KCNH1: variants seen among roughly 807,000 people sequenced by gnomAD.
KCNH1 encodes potassium voltage-gated channel subfamily H member 1.
In KCNH1, 27 loss-of-function variants were observed where a neutral mutation model predicts 69.2. That is an observed-to-expected ratio of 0.39 (90% CI 0.29 to 0.54). The LOEUF (loss-of-function observed/expected upper bound fraction) is 0.54. KCNH1 is among the 20% of genes least tolerant of loss of function. The probability of loss-of-function intolerance (pLI) is 0.68; values close to 1 mark genes in which losing one functional copy is unlikely to be tolerated. For missense variants in KCNH1, 798 were observed against 1,261.6 expected, an observed-to-expected ratio of 0.63 and a Z score of 5.57; for synonymous variants, 456 against 487.7, an observed-to-expected ratio of 0.93 and a Z score of 0.86.
intron 3 of KCNH1, among the ~76,000 whole-genome samples, chr1:211,099,912 A>C (rs1008215497): frequency 1.3e-5 from 2 of 152,086 alleles, no homozygotes; most frequent in Admixed American, 1.3e-4. Context: ...GTCAGTTTGA[A>C]TGCCTCTTCC....
Position 211,030,520 on chromosome 1 carries a change from T to A in KCNH1, c.559-11264A>T, listed in dbSNP as rs138923380. ...AATTTGTGCAGGAAAGACAGCCTTT[T>A]TAACAAACGGCATGGGAACAAGTGG... is the stretch of plus-strand genomic sequence containing the variant. On this transcript the variant is annotated intron_variant, in intron 5 of 10. Transcript: ENST00000271751. Among the ~76,000 whole-genome samples the A allele has an allele frequency of 2.0e-3, 311 of 152,302 alleles. 2 individuals are homozygous for A. Among genetic ancestry groups the A allele is most frequent in the African/African-American group, 6.7e-3 (279 of 41,578 alleles).
intron 5 of KCNH1, among the ~76,000 whole-genome samples, chr1:211,059,086 C>G (rs1333842635): frequency 2.0e-5 from 3 of 151,766 alleles, no homozygotes; most frequent in South Asian, 4.2e-4. Context: ...CAAGACCATC[C>G]TGGCTAACAT....
At chr1:211,057,289 A>T (rs974289885) in intron 5 of KCNH1, among the ~76,000 whole-genome samples, 3 of 152,196 alleles carry the variant, frequency 2.0e-5, no homozygotes, top group Admixed American at 1.3e-4. Context: ...AAAGAAAGAA[A>T]CAGTGAGCTT....
At chr1:210,974,325 GTAAT>G (rs1329632140) in intron 6 of KCNH1, among the ~76,000 whole-genome samples, 1 of 151,914 alleles carries the variant, frequency 6.6e-6, no homozygotes, top group Non-Finnish European at 1.5e-5. Context: ...GTATATTACA[GTAAT>G]TAATTATTTG....
chr1:211,009,894 C>T lies in KCNH1; in HGVS notation c.1032+8889G>A, dbSNP rs543598458. ...AAAGTGCTGGGATTACAGGCATGAG[C>T]CACTGCGCCTAGCCAAGTTCTCTTT... On this transcript the variant is annotated intron_variant, in intron 6 of 10. Transcript: ENST00000271751. 2.0e-5 allele frequency among the ~76,000 whole-genome samples: 3 copies of T among 152,304 alleles called. No homozygotes were observed. In the South Asian group the frequency reaches 6.2e-4, roughly 32 times the overall value.
intron 7 of KCNH1, among the ~76,000 whole-genome samples, chr1:210,899,314 C>T (rs921701525): frequency 1.3e-5 from 2 of 151,956 alleles, no homozygotes; most frequent in African/African-American, 4.8e-5. Context: ...AAGGTAGGGT[C>T]AAAAAGATTT....
At chr1:210,978,060 G>A (rs1280828276) in intron 6 of KCNH1, among the ~76,000 whole-genome samples, 2 of 138,560 alleles carry the variant, frequency 1.4e-5, no homozygotes, top group Non-Finnish European at 3.1e-5. Context: ...TTTTTTTTTA[G>A]ATGGAGTCTC....
chr1:210,891,694 C>T (rs1016187646), intron 7 of KCNH1, among the ~76,000 whole-genome samples: 1 of 151,970 alleles, frequency 6.6e-6, no homozygotes, highest in Non-Finnish European at 1.5e-5. Flanking sequence ...TACCATTTGA[C>T]CCAGCAATCC....
intron 6 of KCNH1, among the ~76,000 whole-genome samples, chr1:210,980,568 T>C (rs1161148490): frequency 6.6e-6 from 1 of 152,144 alleles, no homozygotes; most frequent in African/African-American, 2.4e-5. Context: ...AGAAATAGCA[T>C]ATGCAAATGA....
chr1:211,016,922 A>AAAAAAAAT (rs139001420), intron 6 of KCNH1, among the ~76,000 whole-genome samples: 5 of 146,586 alleles, frequency 3.4e-5, no homozygotes, highest in East Asian at 2.1e-4. Context: ...AAAAAAAAAA[A>AAAAAAAAT]TTTTAAAATT....
intron 7 of KCNH1, among the ~76,000 whole-genome samples, chr1:210,849,719 C>A (rs914480694): frequency 6.6e-6 from 1 of 151,996 alleles, no homozygotes; most frequent in African/African-American, 2.4e-5. Flanking sequence ...ATATGTAAAA[C>A]AAAGAATAGC....
At chr1:210,941,599 C>G (rs552298739) in intron 6 of KCNH1, among the ~76,000 whole-genome samples, 142 of 152,180 alleles carry the variant, frequency 9.3e-4, no homozygotes, top group African/African-American at 3.3e-3. Context: ...CAAAGCTCTG[C>G]GAGGCAGAGC....
chr1:210,684,924 G>C (rs891047815), intron 10 of KCNH1, among the ~76,000 whole-genome samples: 3 of 152,196 alleles, frequency 2.0e-5, no homozygotes, highest in Admixed American at 6.5e-5. Context: ...CCATTTCAGA[G>C]ATAAGGTAAA....
At chr1:210,727,672 G>A (rs188460417) in intron 10 of KCNH1, among the ~76,000 whole-genome samples, 31 of 152,250 alleles carry the variant, frequency 2.0e-4, no homozygotes, top group Admixed American at 5.2e-4. Flanking sequence ...TTTTAATAAA[G>A]GAATCAGGGA....
At position 210,980,135 on chromosome 1, in the gene KCNH1, T is replaced by C. The variant is rs115061703; in HGVS notation, c.1032+38648A>G. 5.2e-3 allele frequency among the ~76,000 whole-genome samples: 788 copies of C among 152,298 alleles called. 7 individuals carry two copies. The highest frequency in any genetic ancestry group is 0.018 in the African/African-American group (753 of 41,562). ...TTTACCCTTGAAATGGCTTCCTTCA[T>C]GGTTGGCAAACTGTAGTCCAAGCTT... On this transcript the variant is annotated intron_variant, in intron 6 of 10. Coordinates refer to ENST00000271751, the MANE Select transcript of KCNH1 (RefSeq NM_172362.3).
chr1:210,702,163 A>AT (rs1456522666), intron 10 of KCNH1, among the ~76,000 whole-genome samples: 5 of 152,116 alleles, frequency 3.3e-5, no homozygotes, highest in Admixed American at 6.5e-5. Context: ...AGATTTAAAG[A>AT]TTTTTTCTTA....
intron 7 of KCNH1, among the ~76,000 whole-genome samples, chr1:210,902,508 T>G (rs1247752128): frequency 6.6e-6 from 1 of 152,214 alleles, no homozygotes; most frequent in Non-Finnish European, 1.5e-5. Context: ...AAGTCTTGGC[T>G]TCAGGAGATG....
At chr1:210,903,102 C>T (rs1009828719) in intron 7 of KCNH1, among the ~76,000 whole-genome samples, 31 of 148,272 alleles carry the variant, frequency 2.1e-4, no homozygotes. Flanking sequence ...CCTCCATGCC[C>T]TGCCATCTCT....
At chr1:211,027,728 G>C (rs960317479) in intron 5 of KCNH1, among the ~76,000 whole-genome samples, 2 of 151,972 alleles carry the variant, frequency 1.3e-5, no homozygotes, top group Non-Finnish European at 2.9e-5. Context: ...AATAGAGACA[G>C]AAAGGCAAAT....
Sources: allele counts gnomAD v4.1 joint callset (sites outside exome capture counted in the v4.1 genomes callset), GRCh38; gene constraint gnomAD v4.1.1; transcripts MANE v1.5; gene names NCBI Gene and HGNC (gene_info 2026-07-23, HGNC 2026-07-21).